Variants in GRXCR2 observed in about 807,000 individuals in gnomAD.
The protein encoded by GRXCR2 is glutaredoxin and cysteine rich domain containing 2.
A neutral mutation model predicts 24.8 loss-of-function variants in GRXCR2; 23 were observed. That is an observed-to-expected ratio of 0.93 (90% CI 0.67 to 1.32). GRXCR2 has a LOEUF of 1.32. Among genes scored for constraint, GRXCR2 ranks in the 40% most tolerant of loss-of-function variants. The pLI is 0.00. For synonymous variants in GRXCR2, 130 were observed against 116.1 expected (o/e 1.12, Z -0.77); for missense variants, 315 against 303.4 (o/e 1.04, Z -0.28).
At chr5:145,876,765 T>A (rs534827199), upstream of GRXCR2, among the ~76,000 whole-genome samples, 1 of 152,336 alleles carries the variant, frequency 6.6e-6, no homozygotes, top group Admixed American at 6.5e-5. Context: ...ACAACCATGT[T>A]CATCTGAAAA....
intron 2 of GRXCR2, among the ~76,000 whole-genome samples, chr5:145,920,992 G>C (rs1457607709): frequency 6.6e-6 from 1 of 152,214 alleles, no homozygotes; most frequent in African/African-American, 2.4e-5. Flanking sequence ...GGACTTCCCA[G>C]CCTCCAGAAC....
At chr5:145,900,164 A>AG (rs1168926746) in intron 2 of GRXCR2, among the ~76,000 whole-genome samples, 1 of 151,766 alleles carries the variant, frequency 6.6e-6, no homozygotes, top group Non-Finnish European at 1.5e-5. Context: ...ATGTTGGAGG[A>AG]GGGGGTCTGG....
At chr5:145,924,670 G>GC (rs1428112130) in intron 2 of GRXCR2, among the ~76,000 whole-genome samples, 1 of 152,172 alleles carries the variant, frequency 6.6e-6, no homozygotes, top group Non-Finnish European at 1.5e-5. Flanking sequence ...AGTTCCTCAA[G>GC]CACTGGCTGG....
chr5:145,859,968 C>T, intron 2 of GRXCR2, 53 bp from the exon 3 acceptor site: 1 of 1,443,682 alleles, frequency 6.9e-7, no homozygotes, highest in South Asian at 1.4e-5. Flanking sequence ...GTCCGTTGTT[C>T]ACATGCAGGT....
chr5:145,898,832 A>T (rs1030368037), intron 2 of GRXCR2, among the ~76,000 whole-genome samples: 3 of 152,066 alleles, frequency 2.0e-5, no homozygotes, highest in African/African-American at 7.2e-5. Context: ...ATAGGCAGAA[A>T]CTGGAAGCAT....
intron 1 of GRXCR2, among the ~76,000 whole-genome samples, chr5:145,867,575 C>T (rs1406802557): frequency 6.6e-6 from 1 of 152,100 alleles, no homozygotes; most frequent in Non-Finnish European, 1.5e-5. Context: ...AGGAATAAAC[C>T]TGGACAATAT....
rs556094592 is a variant in GRXCR2, at chr5:145,912,979, T to C, written c.-70+22722A>G. Among the ~76,000 whole-genome samples, 152 of 152,362 alleles carry C rather than the reference T, an allele frequency of 1.0e-3. 1 individual carries two copies. The highest frequency in any genetic ancestry group is 3.6e-3 in the African/African-American group (149 of 41,580). ...GATTTACATTTTTAAACAGTAACCCTGGTCAAATGGATTGTTGAGTGCATA... is the reference window on the plus strand; with the variant it reads ...GATTTACATTTTTAAACAGTAACCCCGGTCAAATGGATTGTTGAGTGCATA... On this transcript the variant is annotated intron_variant, in intron 2 of 3. Transcript: ENST00000639411.
At chr5:145,884,648 T>C (rs1032400998) in intron 2 of GRXCR2, among the ~76,000 whole-genome samples, 2 of 152,090 alleles carry the variant, frequency 1.3e-5, no homozygotes, top group Non-Finnish European at 2.9e-5. Flanking sequence ...ATGTTCACAA[T>C]GCTTGATGGC....
intron 1 of GRXCR2, among the ~76,000 whole-genome samples, chr5:145,870,053 T>C (rs556760664): frequency 8.8e-4 from 134 of 152,236 alleles, no homozygotes; most frequent in Middle Eastern, 3.4e-3. Flanking sequence ...AAAAGATATA[T>C]ATATATATTA....
Position 145,866,696 on chromosome 5 carries a change from G to A in GRXCR2, c.369C>T (p.Ile123=). Residue 123 remains isoleucine, a synonymous_variant, in exon 2 of 3, where the codon ATC becomes ATT. Coordinates refer to ENST00000377976, the MANE Select transcript of GRXCR2 (RefSeq NM_001080516.2). The part of the protein sequence containing the change: ...PLPIIDFGKI[I]IYTNNLKIIR... Reference sequence around the variant, plus strand: ...TGATTTTCAGGTTATTAGTGTAGATGATTATCTTTCCAAAATCTATAATAG... The same window carrying A: ...TGATTTTCAGGTTATTAGTGTAGATAATTATCTTTCCAAAATCTATAATAG... The A allele has an allele frequency of 6.2e-7, 1 of 1,612,398 alleles. No homozygotes were observed. Among genetic ancestry groups the A allele is most frequent in the Non-Finnish European group, 8.5e-7 (1 of 1,178,550 alleles).
intron 2 of GRXCR2, among the ~76,000 whole-genome samples, chr5:145,878,967 T>C (rs1227587039): frequency 6.6e-6 from 1 of 152,060 alleles, no homozygotes; most frequent in Non-Finnish European, 1.5e-5. Context: ...GAAGGAGAAA[T>C]AAAATCTTTA....
upstream of GRXCR2, among the ~76,000 whole-genome samples, chr5:145,877,723 G>A (rs746807259): frequency 1.3e-5 from 2 of 152,262 alleles, no homozygotes; most frequent in African/African-American, 2.4e-5. Context: ...GACAGTGGGT[G>A]CAGCCCATGG....
intron 1 of GRXCR2, among the ~76,000 whole-genome samples, chr5:145,868,298 A>C (rs1756469150): frequency 6.6e-6 from 1 of 152,168 alleles, no homozygotes; most frequent in Non-Finnish European, 1.5e-5. Context: ...GGACTGTATA[A>C]ACCAAATCTA....
Position 145,921,675 on chromosome 5 carries a change from C to G in GRXCR2, c.-70+14026G>C, listed in dbSNP as rs183162916. Among the ~76,000 whole-genome samples, 82 of 152,256 alleles carry G rather than the reference C, an allele frequency of 5.4e-4. 1 individual carries two copies. Among genetic ancestry groups the G allele is most frequent in the Admixed American group, 5.3e-3 (81 of 15,296 alleles). On this transcript the variant is annotated intron_variant, in intron 2 of 3. Transcript: ENST00000639411. ...ATAATAATGTTATGAATGGCTTTAA[C>G]CAGCTCCTCACCCAAAATACATACA...
chr5:145,883,543 G>A (rs1756734440), intron 2 of GRXCR2, among the ~76,000 whole-genome samples: 1 of 152,126 alleles, frequency 6.6e-6, no homozygotes, highest in African/African-American at 2.4e-5. Context: ...AACTCATAGA[G>A]GAACTGATTA....
intron 2 of GRXCR2, among the ~76,000 whole-genome samples, chr5:145,878,716 G>A (rs1315091179): frequency 6.6e-6 from 1 of 152,082 alleles, no homozygotes. Flanking sequence ...GATACTCCTC[G>A]AGAAGAGCAA....
chr5:145,903,023 T>C (rs1003884211), intron 2 of GRXCR2, among the ~76,000 whole-genome samples: 2 of 152,200 alleles, frequency 1.3e-5, no homozygotes, highest in African/African-American at 4.8e-5. Flanking sequence ...AACTCCTACA[T>C]ATCCCTATGA....
chr5:145,910,284 C>T (rs1757147899), intron 2 of GRXCR2, among the ~76,000 whole-genome samples: 1 of 152,114 alleles, frequency 6.6e-6, no homozygotes, highest in South Asian at 2.1e-4. Flanking sequence ...ACCTCTGAAA[C>T]ACATGCCACC....
At chr5:145,874,817 T>G (rs939298649), upstream of GRXCR2, among the ~76,000 whole-genome samples, 4 of 152,182 alleles carry the variant, frequency 2.6e-5, no homozygotes, top group African/African-American at 7.2e-5. Context: ...CTGTCACTCT[T>G]CCAGGGGCTG....
Sources: gnomAD v4.1 joint callset for allele counts (sites outside exome capture counted in the v4.1 genomes callset) on GRCh38, gnomAD v4.1.1 for gene constraint, MANE v1.5 for transcripts, NCBI Gene and HGNC (gene_info 2026-07-23, HGNC 2026-07-21) for gene names.